The following ADPRHL1 variants were observed in gnomAD, a reference collection of about 807,000 sequenced individuals.
The protein encoded by ADPRHL1 is inactive ADP-ribosyltransferase ARH2.
In ADPRHL1, 43 loss-of-function variants were observed where a neutral mutation model predicts 44.1. That is an observed-to-expected ratio of 0.98 (90% confidence interval 0.76 to 1.26). The LOEUF (loss-of-function observed/expected upper bound fraction) is 1.26, where lower values mean the gene tolerates loss of function less well. Ranked by LOEUF, ADPRHL1 falls within the 50% of genes most tolerant of loss-of-function variation. The pLI, the probability that ADPRHL1 is intolerant of heterozygous loss-of-function variation, is 0.00. For synonymous variants in ADPRHL1, 878 were observed against 1,017.4 expected, an observed-to-expected ratio of 0.86 and a Z score of 2.61; for missense variants, 2,022 against 2,496.9, an observed-to-expected ratio of 0.81 and a Z score of 4.05.
At chr13:113,429,979 C>T (rs1011761931) in intron 3 of ADPRHL1, among the ~76,000 whole-genome samples, 3 of 152,162 alleles carry the variant, frequency 2.0e-5, no homozygotes, top group Admixed American at 6.5e-5. Flanking sequence ...GGAAGAAGTC[C>T]GGGAGGCCTG....
At chr13:113,444,801 T>G (rs989689349) in intron 1 of ADPRHL1, among the ~76,000 whole-genome samples, 1 of 152,120 alleles carries the variant, frequency 6.6e-6, no homozygotes, top group Non-Finnish European at 1.5e-5. Context: ...TTTTTTGTAT[T>G]TTTAGTAGAG....
rs375591486 is a variant in ADPRHL1 at position 113,438,870 on chromosome 13, T to C, written c.380-5003A>G. 1.1e-4 allele frequency among the ~76,000 whole-genome samples: 17 copies of C among 152,140 alleles called. No individual in the cohort carries two copies. The East Asian group carries it at 3.3e-3, about 29-fold the overall frequency. ...GGTTGCTTGCTTTCTTCTTCTTAAGTTGGAAGAGTTCTTTATGCATTTTGG... is the reference window on the plus strand; with the variant it reads ...GGTTGCTTGCTTTCTTCTTCTTAAGCTGGAAGAGTTCTTTATGCATTTTGG... On this transcript the variant is annotated intron_variant, in intron 2 of 7. Transcript: ENST00000612156.
chr13:113,424,324 C>T lies in ADPRHL1; in HGVS notation c.800G>A (p.Gly267Asp). ...EKTYRKWSSE[G>D]RGGRRGHDAP... ...ATCGTGGCCTCGTCTTCCCCCTCGA[C>T]CTTCCGAGCTCCACTTCCTGTAGGT... Residue 267 changes from glycine (G) to aspartate (D), a missense_variant, in exon 6 of 8, where the codon GGT becomes GAT. By Grantham distance (94) the Gly-to-Asp change is moderately conservative (BLOSUM62 -1). Transcript: ENST00000612156. 6.2e-7 allele frequency: 1 copy of T among 1,612,834 alleles called. No individual in the cohort carries two copies. The highest frequency in any genetic ancestry group is 1.7e-5 in the Admixed American group (1 of 60,014).
In ADPRHL1 at chr13:113,428,975, C is replaced by A; in HGVS notation, c.623G>T (p.Arg208Met). The A allele has an allele frequency of 6.2e-7, 1 of 1,612,750 alleles. No individual in the cohort carries two copies. The highest frequency in any genetic ancestry group is 8.5e-7 in the Non-Finnish European group (1 of 1,180,002). Residue 208 changes from arginine (R) to methionine (M), a missense_variant, in exon 4 of 8, where the codon AGG (arginine) becomes ATG (methionine). Transcript: ENST00000612156. ...RAVPLAEEYC[R>M]KTIRHTAEYQ... Reference sequence around the variant, plus strand: ...ACCTGCCGTGTGCCGGATGGTCTTCCTGCAGTACTCTTCTGCCAGAGGCAC... The same window carrying A: ...ACCTGCCGTGTGCCGGATGGTCTTCATGCAGTACTCTTCTGCCAGAGGCAC...
chr13:113,438,347 T>A (rs913534065), intron 2 of ADPRHL1, among the ~76,000 whole-genome samples: 8 of 152,224 alleles, frequency 5.3e-5, no homozygotes, highest in Admixed American at 3.9e-4. Context: ...TTGTGCTTAT[T>A]GTCCACCCAT....
In ADPRHL1 at chr13:113,409,276, G is replaced by A; in HGVS notation, c.1062-1056C>T. The A allele has an allele frequency of 1.0e-6, 1 of 984,432 alleles. No homozygotes were observed. The highest frequency in any genetic ancestry group is 1.2e-6 in the Non-Finnish European group (1 of 829,048). The allele number at this position is 984,432 out of a possible 1,614,324, so 61.0% of individuals were successfully genotyped here. A position where few individuals can be genotyped will look rare whatever the true frequency, so the allele number is the denominator to read the frequency against. ...GCAAAGCTGGAAGGTCTCCCCATCT[G>A]TGGCAGGGGGTGGAGCCGTCTCTGA... On this transcript the variant is annotated intron_variant, in intron 7 of 7. Coordinates refer to ENST00000612156, the MANE Select transcript of ADPRHL1 (RefSeq NM_001394807.1). This position sits in a 1 kb window ranked among gnomAD's most constrained non-coding sequence, Gnocchi z 4.2.
At chr13:113,451,180 G>A (rs2044177231) in intron 1 of ADPRHL1, among the ~76,000 whole-genome samples, 1 of 152,170 alleles carries the variant, frequency 6.6e-6, no homozygotes, top group African/African-American at 2.4e-5. Flanking sequence ...GTATGGCCTG[G>A]TTTTTCCTAG....
At chr13:113,426,420 G>T (rs1030722162) in intron 4 of ADPRHL1, among the ~76,000 whole-genome samples, 1 of 152,258 alleles carries the variant, frequency 6.6e-6, no homozygotes, top group East Asian at 1.9e-4. Flanking sequence ...CACATGAGGT[G>T]ACAGGGCACA....
In ADPRHL1 at chr13:113,428,936, CG is replaced by C. The variant is rs2043986605; in HGVS notation, c.646+15del. The C allele has an allele frequency of 1.9e-6, 3 of 1,611,796 alleles. No homozygotes were observed. The highest frequency in any genetic ancestry group is 8.5e-7 in the Non-Finnish European group (1 of 1,179,908). On this transcript the variant is annotated intron_variant, in intron 4 of 7. Transcript: ENST00000612156. ...ATCTGCTCTGAGTGCGGACTGGGGCCGGGGGAGCGGCTCACCTGCCGTGTGC... is the reference window on the plus strand; with the variant it reads ...ATCTGCTCTGAGTGCGGACTGGGGCCGGGGAGCGGCTCACCTGCCGTGTGC...
chr13:113,407,584 A>C lies in ADPRHL1; in HGVS notation c.1698T>G (p.Ser566Arg), dbSNP rs1595536490. 2.4e-6 allele frequency: 3 copies of C among 1,232,200 alleles called. No individual in the cohort carries two copies. The East Asian group carries it at 9.5e-5, about 39-fold the overall frequency. 76.3% of individuals were successfully genotyped at this position (1,232,200 alleles called of 1,614,324 possible). ...GCTCCTGCGTGTGCAGCCTCAGCGC[A>C]CTGGCCTCGGAGCACAGGCAGCTGT... is the stretch of plus-strand genomic sequence containing the variant. ...EQNSCLCSEA[S>R]ALRLHTQERK... is the part of the protein sequence containing the mutation. The change falls in exon 8 of 8, where the codon AGT (serine) becomes AGG (arginine). Residue 566 changes from serine (S) to arginine (R), a missense_variant. Physicochemically the swap from Ser to Arg is moderately radical, Grantham distance 110 (BLOSUM62 -1). Coordinates refer to ENST00000612156, the MANE Select transcript of ADPRHL1 (RefSeq NM_001394807.1).
intron 1 of ADPRHL1, among the ~76,000 whole-genome samples, chr13:113,451,098 C>G (rs1335342882): frequency 1.3e-5 from 2 of 152,218 alleles, no homozygotes; most frequent in Non-Finnish European, 2.9e-5. Flanking sequence ...GTGGCCCTGT[C>G]CGGGCATAAC....
chr13:113,427,229 G>A (rs1399136538), intron 4 of ADPRHL1, among the ~76,000 whole-genome samples: 2 of 152,342 alleles, frequency 1.3e-5, no homozygotes, highest in East Asian at 3.9e-4. Context: ...GAGGAAAACC[G>A]TTTTGAATAC....
intron 4 of ADPRHL1, 70 bp from the exon 5 acceptor site, chr13:113,425,249 G>A: frequency 2.5e-6 from 3 of 1,223,134 alleles, no homozygotes; most frequent in Non-Finnish European, 3.4e-6. Flanking sequence ...AGGGAGTTGG[G>A]GGTGGGGAGG....
At chr13:113,433,647 C>T (rs2044023073) in intron 3 of ADPRHL1, 95 bp downstream of exon 3, 4 of 1,436,236 alleles carry the variant, frequency 2.8e-6, no homozygotes, top group Non-Finnish European at 3.7e-6. Flanking sequence ...GCTCCAGGCC[C>T]CCGCCCCCCA....
At position 113,404,328 on chromosome 13, in the gene ADPRHL1, C is replaced by T. The variant is rs577816408; in HGVS notation, c.4954G>A (p.Ala1652Thr). 1 of 1,329,128 alleles carries T rather than the reference C, an allele frequency of 7.5e-7. No homozygotes were observed. Among genetic ancestry groups the T allele is most frequent in the Non-Finnish European group, 9.5e-7 (1 of 1,047,828 alleles). The allele number at this position is 1,329,128 out of a possible 1,614,324, so 82.3% of individuals were successfully genotyped here. A position where few individuals can be genotyped will look rare whatever the true frequency, so the allele number is the denominator to read the frequency against. ...GQAQKGAQERAQEQAQEQTQI... is the reference protein window; with the variant it reads ...GQAQKGAQERTQEQAQEQTQI... Reference sequence around the variant, plus strand: ...GTCTGCTCCTGAGCCTGTTCCTGGGCCCGTTCCTGAGCCCCTTTCTGGGCC... The same window carrying T: ...GTCTGCTCCTGAGCCTGTTCCTGGGTCCGTTCCTGAGCCCCTTTCTGGGCC... Residue 1652 changes from alanine to threonine, a missense_variant, in exon 8 of 8, where the codon GCC becomes ACC. By Grantham distance (58) the Ala-to-Thr change is moderately conservative. Coordinates refer to ENST00000612156, the MANE Select transcript of ADPRHL1 (RefSeq NM_001394807.1).
chr13:113,435,069 T>C (rs1282225013), intron 2 of ADPRHL1, among the ~76,000 whole-genome samples: 1 of 134,802 alleles, frequency 7.4e-6, no homozygotes. Flanking sequence ...CACCCAGGTG[T>C]AGAGTGAACA....
At chr13:113,424,939 CATCT>C (rs1365555267) in intron 5 of ADPRHL1, 109 bp downstream of exon 5, 18 of 1,310,892 alleles carry the variant, frequency 1.4e-5, no homozygotes, top group East Asian at 4.7e-5. Flanking sequence ...TCTATCCATC[CATCT>C]ATCCATCCAT....
chr13:113,444,548 A>T lies in ADPRHL1; in HGVS notation c.256T>A (p.Cys86Ser), dbSNP rs902637862. ...AGCTTCTCAACGATTTCCACATAGC[A>T]TCTCACCATCTCCCGGTACAGATCA... ...LDDLYREMVRCYVEIVEKLPE... is the reference protein window; with the variant it reads ...LDDLYREMVRSYVEIVEKLPE... Residue 86 changes from cysteine to serine, a missense_variant, in exon 2 of 8, where the codon TGC becomes AGC. Physicochemically the swap from Cys to Ser is moderately radical, Grantham distance 112. Transcript: ENST00000612156. 6.2e-7 allele frequency: 1 copy of T among 1,614,154 alleles called. No individual in the cohort carries two copies.
rs945635616 is a variant in ADPRHL1 at position 113,405,445 on chromosome 13, G to A, written c.3837C>T (p.Ser1279=). The change falls in exon 8 of 8, where the codon TCC becomes TCT. Residue 1279 remains serine, a synonymous_variant. Coordinates refer to ENST00000612156, the MANE Select transcript of ADPRHL1 (RefSeq NM_001394807.1). ...PRPQARSVAE[S]PSYGPGLPPS... is the part of the protein sequence containing the mutation. ...GCGGGAGGCCAGGGCCATAGCTGGG[G>A]GACTCTGCCACGCTCCTTGCCTGTG... 72 of 1,231,890 alleles carry A rather than the reference G, an allele frequency of 5.8e-5. No individual in the cohort carries two copies. Among genetic ancestry groups the A allele is most frequent in the Non-Finnish European group, 6.7e-5 (66 of 988,182 alleles). 76.3% of individuals were successfully genotyped at this position (1,231,890 alleles called of 1,614,324 possible). A position where few individuals can be genotyped will look rare whatever the true frequency, so the allele number is the denominator to read the frequency against.
Sources: gnomAD v4.1 joint callset for allele counts (sites outside exome capture counted in the v4.1 genomes callset) on GRCh38, gnomAD v4.1.1 for gene constraint, Gnocchi (gnomAD v3.1) non-coding constraint, MANE v1.5 for transcripts, NCBI Gene and HGNC (gene_info 2026-07-23, HGNC 2026-07-21) for gene names.